The following MACC1 variants were observed in gnomAD, a reference collection of about 807,000 sequenced individuals.
MACC1 encodes MET transcriptional regulator MACC1.
MACC1 carries 79 observed loss-of-function variants against 70.7 expected under a neutral mutation model. The ratio of observed to expected loss-of-function variants is 1.12; its 90% CI spans 0.93 to 1.35. The LOEUF is 1.35. MACC1 is among the 40% of genes most tolerant of loss of function. The pLI, the probability that MACC1 is intolerant of heterozygous loss-of-function variation, is 0.00. For missense variants in MACC1, 1,106 were observed against 978.1 expected, an observed-to-expected ratio of 1.13 and a Z score of -1.74; for synonymous variants, 361 against 347.2, an observed-to-expected ratio of 1.04 and a Z score of -0.44.
chr7:20,159,649 G>T lies in MACC1; in HGVS notation c.712C>A (p.Gln238Lys), dbSNP rs1376754243. The T allele has an allele frequency of 2.5e-6, 4 of 1,614,096 alleles. No homozygotes were observed. The highest frequency in any genetic ancestry group is 3.4e-6 in the Non-Finnish European group (4 of 1,180,028). The change falls in exon 5 of 7, where the codon CAA (glutamine) becomes AAA (lysine). Residue 238 changes from glutamine (Q) to lysine (K), a missense_variant. Coordinates refer to ENST00000400331, the MANE Select transcript of MACC1 (RefSeq NM_182762.4). ...AATTCTCCCACAGCCACATGACCTT[G>T]GGGCACATGAACAGTGATGTCTGAT... Reference protein sequence around the residue: ...PESDITVHVPQGHVAVGEFQE... With the variant: ...PESDITVHVPKGHVAVGEFQE...
In MACC1 at chr7:20,155,931, C is replaced by A. The variant is rs117884469; in HGVS notation, c.2158-1550G>T. ...AACCTGAGTTTAAAATCCAGCTCCA[C>A]ATAGTATAAGACTTTACATGCATCA... On this transcript the variant is annotated intron_variant, in intron 5 of 6. Coordinates refer to ENST00000400331, the MANE Select transcript of MACC1 (RefSeq NM_182762.4). Among the ~76,000 whole-genome samples, 1,091 of 152,292 alleles carry A rather than the reference C, an allele frequency of 7.2e-3. 25 individuals are homozygous for A. The highest frequency in any genetic ancestry group is 0.038 in the Admixed American group (578 of 15,292).
rs111994334 is a variant in MACC1, at chr7:20,209,386, T to A, written c.-218+7913A>T. Among the ~76,000 whole-genome samples, 302 of 152,368 alleles carry A rather than the reference T, an allele frequency of 2.0e-3. 1 individual carries two copies. The highest frequency in any genetic ancestry group is 3.7e-3 in the Non-Finnish European group (252 of 68,028). On this transcript the variant is annotated intron_variant, in intron 1 of 6. Coordinates refer to ENST00000400331, the MANE Select transcript of MACC1 (RefSeq NM_182762.4). Reference sequence around the variant, plus strand: ...AGGCCATAGGAGCCCACCTCTTGCATCAGCGTGATGTGGATGTGAGACATA... The same window carrying A: ...AGGCCATAGGAGCCCACCTCTTGCAACAGCGTGATGTGGATGTGAGACATA...
chr7:20,205,297 G>A (rs1009755666), intron 1 of MACC1, among the ~76,000 whole-genome samples: 2 of 152,062 alleles, frequency 1.3e-5, no homozygotes, highest in African/African-American at 2.4e-5. Context: ...CATAGAAGTT[G>A]GAAAAAATAA....
At chr7:20,181,545 A>T (rs1415246970) in intron 1 of MACC1, among the ~76,000 whole-genome samples, 1 of 152,126 alleles carries the variant, frequency 6.6e-6, no homozygotes, top group Non-Finnish European at 1.5e-5. Context: ...TGATTATCTC[A>T]ATGCATTCTA....
chr7:20,187,725 T>C (rs1002039849), intron 1 of MACC1, among the ~76,000 whole-genome samples: 15 of 152,210 alleles, frequency 9.9e-5, no homozygotes, highest in African/African-American at 3.6e-4. Context: ...TAACCCCAGC[T>C]GGGCTCTTCA....
chr7:20,178,036 A>G (rs901110270), intron 1 of MACC1, among the ~76,000 whole-genome samples: 5 of 152,098 alleles, frequency 3.3e-5, no homozygotes, highest in Non-Finnish European at 5.9e-5. Flanking sequence ...GATGAATAAA[A>G]TGTTCAATAG....
intron 1 of MACC1, among the ~76,000 whole-genome samples, chr7:20,212,059 G>T (rs1210278803): frequency 6.6e-6 from 1 of 152,070 alleles, no homozygotes; most frequent in Non-Finnish European, 1.5e-5. Context: ...ATTTAAAAAA[G>T]AAAAGAATAA....
chr7:20,211,649 A>T (rs2128109547), intron 1 of MACC1, among the ~76,000 whole-genome samples: 1 of 152,262 alleles, frequency 6.6e-6, no homozygotes, highest in Admixed American at 6.5e-5. Flanking sequence ...AGAAACAGGA[A>T]CTCCTATTTT....
At chr7:20,203,116 G>A (rs557409083) in intron 1 of MACC1, among the ~76,000 whole-genome samples, 10 of 151,954 alleles carry the variant, frequency 6.6e-5, no homozygotes, top group East Asian at 5.8e-4. Flanking sequence ...TATATCTCCT[G>A]GTCACTCTTA....
intron 6 of MACC1, chr7:20,150,447 G>A (rs1356422662): frequency 6.6e-6 from 1 of 152,148 alleles, no homozygotes; most frequent in African/African-American, 2.4e-5. Flanking sequence ...TTGGAACAAA[G>A]TACTTTGAAC....
At chr7:20,185,886 A>G (rs1782580172) in intron 1 of MACC1, among the ~76,000 whole-genome samples, 2 of 152,328 alleles carry the variant, frequency 1.3e-5, no homozygotes, top group Non-Finnish European at 2.9e-5. Context: ...ATAGAGATTA[A>G]TTAACCTACC....
intron 6 of MACC1, among the ~76,000 whole-genome samples, chr7:20,152,220 G>A (rs1025332165): frequency 7.2e-5 from 11 of 152,214 alleles, no homozygotes; most frequent in East Asian, 1.9e-4. Context: ...TTTTTGGAGT[G>A]TGTGCCCTCT....
chr7:20,140,905 T>G lies in MACC1; in HGVS notation c.*41A>C. On this transcript the variant is annotated 3_prime_UTR_variant, in exon 7 of 7. Coordinates refer to ENST00000400331, the MANE Select transcript of MACC1 (RefSeq NM_182762.4). Reference sequence around the variant, plus strand: ...CACAGACACACACACACACACACCATTACCTCATTTTCCCTCCCATCAAAA... The same window carrying G: ...CACAGACACACACACACACACACCAGTACCTCATTTTCCCTCCCATCAAAA... The G allele has an allele frequency of 1.5e-6, 2 of 1,307,698 alleles. No individual in the cohort carries two copies. The highest frequency in any genetic ancestry group is 2.2e-6 in the Non-Finnish European group (2 of 928,192). The allele number at this position is 1,307,698 out of a possible 1,614,324, so 81.0% of individuals were successfully genotyped here.
chr7:20,194,650 A>G (rs142592272), intron 1 of MACC1, among the ~76,000 whole-genome samples: 117 of 152,288 alleles, frequency 7.7e-4, no homozygotes, highest in African/African-American at 2.7e-3. Context: ...GCAAAACATC[A>G]TTTTGCTGTC....
intron 1 of MACC1, among the ~76,000 whole-genome samples, chr7:20,196,209 T>G (rs1394163749): frequency 6.6e-6 from 1 of 152,126 alleles, no homozygotes; most frequent in East Asian, 1.9e-4. Context: ...TTGAGATGGA[T>G]TCTCGCTGTC....
Position 20,215,076 on chromosome 7 carries a change from A to G in MACC1, c.-218+2223T>C, listed in dbSNP as rs1037476714. ...CTTCTGAATGACTCATATACATCTC[A>G]AGTTTATTTATTTATTTATTTATTT... On this transcript the variant is annotated intron_variant, in intron 1 of 6. Coordinates refer to ENST00000400331, the MANE Select transcript of MACC1 (RefSeq NM_182762.4). Among the ~76,000 whole-genome samples the G allele has an allele frequency of 2.5e-5, 3 of 121,632 alleles. No individual in the cohort carries two copies. The East Asian group carries it at 7.2e-4, about 29-fold the overall frequency. The allele number at this position is 121,632 out of a possible 152,430, so 79.8% of individuals were successfully genotyped here.
At chr7:20,198,568 C>T (rs1399617264) in intron 1 of MACC1, 1 of 152,202 alleles carries the variant, frequency 6.6e-6, no homozygotes, top group East Asian at 1.9e-4. Context: ...TTTGATTATT[C>T]AATTGTATCT....
intron 6 of MACC1, among the ~76,000 whole-genome samples, chr7:20,147,920 C>T (rs1187639828): frequency 6.6e-6 from 1 of 152,198 alleles, no homozygotes; most frequent in Non-Finnish European, 1.5e-5. Flanking sequence ...CTCATCATCA[C>T]TGCCACCCAT....
rs183622929 is a variant in MACC1, at chr7:20,210,038, A to C, written c.-218+7261T>G. Among the ~76,000 whole-genome samples, 313 of 152,278 alleles carry C rather than the reference A, an allele frequency of 2.1e-3. 1 individual carries two copies. In the South Asian group the frequency reaches 0.027, roughly 13 times the overall value. On this transcript the variant is annotated intron_variant, in intron 1 of 6. Transcript: ENST00000400331. ...CCTCCCCAGCAATGTGGAACAGTGG[A>C]ACAGTGAGACAATTAAGCCTCTTTT...
Sources: allele counts gnomAD v4.1 joint callset (sites outside exome capture counted in the v4.1 genomes callset), GRCh38; gene constraint gnomAD v4.1.1; transcripts MANE v1.5; gene names NCBI Gene and HGNC (gene_info 2026-07-23, HGNC 2026-07-21).